OASL: variants seen among roughly 807,000 people sequenced by gnomAD.
The protein encoded by OASL is 2'-5'-oligoadenylate synthase-like protein.
Under a neutral mutation model 35.3 loss-of-function variants are expected in OASL, and 28 were observed. The observed-to-expected ratio is 0.79, with a 90% CI of 0.59 to 1.09. OASL has a LOEUF of 1.09. OASL is among the 50% of genes least tolerant of loss of function. OASL has a pLI of 0.00. For missense variants in OASL, 620 were observed against 635.2 expected (o/e 0.98, Z 0.26); for synonymous variants, 252 against 254.6 (o/e 0.99, Z 0.10).
chr12:121,039,079 G>T lies in OASL; in HGVS notation c.-108C>A. 1 of 885,524 alleles carries T rather than the reference G, an allele frequency of 1.1e-6. No individual in the cohort carries two copies. The highest frequency in any genetic ancestry group is 1.8e-6 in the Non-Finnish European group (1 of 566,850). 54.9% of individuals were successfully genotyped at this position (885,524 alleles called of 1,614,324 possible). A position where few individuals can be genotyped will look rare whatever the true frequency, so the allele number is the denominator to read the frequency against. ...GTAGCTCCTCCTCAGCTGCCCTCCA[G>T]TGCTCTGTGGGAGGAGGGACCCTAG... On this transcript the variant is annotated 5_prime_UTR_variant, in exon 1 of 6. It adds an upstream start codon to the 5' untranslated region. Transcript: ENST00000257570.
chr12:121,038,650 G>T (rs980060158), intron 1 of OASL, 124 bp downstream of exon 1: 6 of 836,772 alleles, frequency 7.2e-6, no homozygotes, highest in Admixed American at 6.2e-5. Flanking sequence ...GTGGGATGGG[G>T]TATTCTGAGA....
chr12:121,034,548 T>C (rs2135915473), intron 1 of OASL, among the ~76,000 whole-genome samples: 1 of 152,162 alleles, frequency 6.6e-6, no homozygotes, highest in African/African-American at 2.4e-5. Context: ...TTGAGGATTC[T>C]GGGGGTGGTG....
chr12:121,033,512 C>A, exon 2 of OASL: 1 of 1,614,152 alleles, frequency 6.2e-7, no homozygotes, highest in Non-Finnish European at 8.5e-7. Context: ...TCCGCAGTCC[C>A]CCTGGTCTGG....
intron 3 of OASL, among the ~76,000 whole-genome samples, chr12:121,029,064 GAAAAAAA>G (rs10577200): frequency 0.022 from 2,354 of 105,162 alleles, 68 homozygotes; most frequent in African/African-American, 0.079. Context: ...ACTTGTCTCA[GAAAAAAA>G]AAAAAAAAAA....
intron 3 of OASL, among the ~76,000 whole-genome samples, chr12:121,028,311 G>A (rs756859962): frequency 4.1e-4 from 62 of 152,140 alleles, no homozygotes; most frequent in Admixed American, 7.2e-4. Context: ...ACCCCCACCC[G>A]CAGCTCCAGG....
chr12:121,033,318 G>C, intron 2 of OASL, 143 bp downstream of exon 2: 1 of 777,494 alleles, frequency 1.3e-6, no homozygotes, highest in South Asian at 1.8e-5. Context: ...CCTGTGCACT[G>C]CAATAACCCA....
chr12:121,035,542 A>AAACAACAAC (rs1869921377), intron 1 of OASL, among the ~76,000 whole-genome samples: 1 of 21,032 alleles, frequency 4.8e-5, no homozygotes, highest in Non-Finnish European at 1.2e-4. Context: ...CAAAACAACA[A>AAACAACAAC]AAAAAAACGC....
chr12:121,029,329 A>G (rs1187374433), intron 3 of OASL, among the ~76,000 whole-genome samples: 1 of 152,126 alleles, frequency 6.6e-6, no homozygotes, highest in Non-Finnish European at 1.5e-5. Flanking sequence ...GGCCTTTCCT[A>G]TAGGTCACTG....
intron 5 of OASL, among the ~76,000 whole-genome samples, chr12:121,023,462 A>AT (rs1263038269): frequency 1.4e-5 from 2 of 147,200 alleles, no homozygotes; most frequent in Admixed American, 7.2e-5. Flanking sequence ...CTAATTTTGT[A>AT]TTTTTTTAGT....
intron 2 of OASL, among the ~76,000 whole-genome samples, chr12:121,032,481 C>G (rs889936854): frequency 6.6e-6 from 1 of 152,082 alleles, no homozygotes; most frequent in Non-Finnish European, 1.5e-5. Context: ...CCAAAGCAGC[C>G]CCCAACCAGT....
In OASL at chr12:121,031,397, C is replaced by T. The variant is rs374932695; in HGVS notation, c.657+45G>A. On this transcript the variant is annotated intron_variant, in intron 3 of 5. Transcript: ENST00000257570. ...AATCAGGCCCTGCCTTTCCTCCTCA[C>T]CCTCTTCCCTCTCCTTGCCCCTGCC... 210 of 1,592,972 alleles carry T rather than the reference C, an allele frequency of 1.3e-4. 1 individual carries two copies. Among genetic ancestry groups the T allele is most frequent in the Non-Finnish European group, 1.7e-4 (198 of 1,166,672 alleles).
exon 4 of OASL, chr12:121,027,599 G>T: frequency 6.2e-7 from 1 of 1,614,074 alleles, no homozygotes; most frequent in South Asian, 1.1e-5. Context: ...GCTGTTTTCT[G>T]ACACAATCCT....
At chr12:121,027,843 G>C (rs746173981) in intron 3 of OASL, 26 bp from the exon 4 acceptor site, 68 of 1,590,072 alleles carry the variant, frequency 4.3e-5, no homozygotes, top group Middle Eastern at 1.9e-4. Flanking sequence ...GGAAGACAGA[G>C]AGAGAGAGAC....
intron 1 of OASL, 123 bp from the exon 2 acceptor site, chr12:121,033,866 G>T: frequency 2.5e-5 from 24 of 970,002 alleles, no homozygotes; most frequent in Non-Finnish European, 3.5e-5. Flanking sequence ...GTTGTGGGTA[G>T]TACTAATACC....
At position 121,038,893 on chromosome 12, in the gene OASL, GGT is replaced by G; in HGVS notation, c.77_78del (p.His26ProfsTer146). 1 of 1,614,106 alleles carries G rather than the reference GGT, an allele frequency of 6.2e-7. No homozygotes were observed. ...TCTAGCACCTCTTCCTTCCACTCCC[GGT>G]GGGGCTGCAGCCACTGAGCCACGAA... On this transcript the variant is annotated frameshift_variant, in exon 1 of 6. Coordinates refer to ENST00000257570, the Ensembl canonical transcript of OASL. LOFTEE classifies it high-confidence loss of function.
At chr12:121,032,192 C>CAA (rs757339614) in intron 2 of OASL, among the ~76,000 whole-genome samples, 38 of 146,000 alleles carry the variant, frequency 2.6e-4, no homozygotes, top group Middle Eastern at 3.6e-3. Flanking sequence ...GACTCCGTCT[C>CAA]AAAAAATATA....
At chr12:121,033,801 T>C in intron 1 of OASL, 58 bp from the exon 2 acceptor site, 2 of 1,567,966 alleles carry the variant, frequency 1.3e-6, no homozygotes, top group Admixed American at 1.7e-5. Flanking sequence ...AGGCAACCCC[T>C]GCGGCACTTC....
chr12:121,019,613 G>C (rs998550425), exon 6 of OASL: 1 of 152,060 alleles, frequency 6.6e-6, no homozygotes, highest in African/African-American at 2.4e-5. Flanking sequence ...TTAGAGTTGA[G>C]AAGCTCAAAT....
intron 4 of OASL, among the ~76,000 whole-genome samples, chr12:121,024,971 C>CTTTTTTTTT (rs751576824): frequency 7.9e-5 from 5 of 63,602 alleles, no homozygotes; most frequent in East Asian, 5.3e-4. Flanking sequence ...CCCTAAGTTC[C>CTTTTTTTTT]TTTTTTTTTT....
Sources: allele counts gnomAD v4.1 joint callset (sites outside exome capture counted in the v4.1 genomes callset), GRCh38; gene constraint gnomAD v4.1.1; transcripts MANE v1.5; gene names NCBI Gene and HGNC (gene_info 2026-07-23, HGNC 2026-07-21).